The following AOPEP variants were observed in gnomAD, a reference collection of about 807,000 sequenced individuals.
AOPEP encodes aminopeptidase O (putative).
Under a neutral mutation model 98.1 loss-of-function variants are expected in AOPEP, and 77 were observed. The observed-to-expected ratio is 0.78, with a 90% confidence interval of 0.65 to 0.95. The LOEUF is 0.95. Ranked by LOEUF, AOPEP falls within the 40% of genes least tolerant of loss-of-function variation. The pLI is 0.00. For synonymous variants in AOPEP, 346 were observed against 365.3 expected (o/e 0.95, Z 0.60); for missense variants, 1,024 against 1,024.7 (o/e 1.00, Z 0.01).
intron 7 of AOPEP, among the ~76,000 whole-genome samples, chr9:94,952,220 G>A (rs762659093): frequency 3.0e-4 from 45 of 152,182 alleles, no homozygotes; most frequent in Non-Finnish European, 5.1e-4. Flanking sequence ...TAGACTGATG[G>A]CCTTTCCTGC....
intron 5 of AOPEP, among the ~76,000 whole-genome samples, chr9:94,880,505 T>C (rs187598896): frequency 2.1e-4 from 32 of 151,988 alleles, no homozygotes; most frequent in Non-Finnish European, 4.1e-4. Flanking sequence ...TAGCTGGGAC[T>C]ACAGGCGCAA....
chr9:94,861,042 A>G (rs954927276), intron 5 of AOPEP, among the ~76,000 whole-genome samples: 2 of 152,140 alleles, frequency 1.3e-5, no homozygotes, highest in Admixed American at 6.5e-5. Context: ...TGACAATGCT[A>G]TGAGATTCTT....
intron 5 of AOPEP, among the ~76,000 whole-genome samples, chr9:94,853,665 A>G (rs1430788653): frequency 1.3e-5 from 2 of 152,232 alleles, no homozygotes; most frequent in African/African-American, 2.4e-5. Flanking sequence ...TTCTACAGTG[A>G]TATCAGAAAT....
intron 13 of AOPEP, among the ~76,000 whole-genome samples, chr9:95,042,402 C>T (rs920590180): frequency 1.3e-5 from 2 of 152,022 alleles, no homozygotes; most frequent in Non-Finnish European, 2.9e-5. Flanking sequence ...GGTGTTGCAC[C>T]AAACAGGCTA....
At chr9:95,056,104 T>G (rs1426994926) in intron 13 of AOPEP, among the ~76,000 whole-genome samples, 1 of 152,126 alleles carries the variant, frequency 6.6e-6, no homozygotes, top group Admixed American at 6.6e-5. Context: ...TTGATCCGCT[T>G]TTAGTCTCCA....
Position 94,928,301 on chromosome 9 carries a change from G to A in AOPEP, c.1555-124G>A, listed in dbSNP as rs537018430. On this transcript the variant is annotated intron_variant, in intron 6 of 16. Coordinates refer to ENST00000375315, the MANE Select transcript of AOPEP (RefSeq NM_001193329.3). ...TCCAGTGGCCTTTAGGTTTCTGATGGAAGCAAGGTGAGAGCAGGGGCAGGC... is the reference window on the plus strand; with the variant it reads ...TCCAGTGGCCTTTAGGTTTCTGATGAAAGCAAGGTGAGAGCAGGGGCAGGC... 881 of 688,050 alleles carry A rather than the reference G, an allele frequency of 1.3e-3. 2 individuals carry two copies. Among genetic ancestry groups the A allele is most frequent in the Non-Finnish European group, 1.8e-3 (742 of 417,626 alleles). 42.6% of individuals were successfully genotyped at this position (688,050 alleles called of 1,614,324 possible).
chr9:95,101,712 C>T, the AOPEP span: 1 of 1,613,980 alleles, frequency 6.2e-7, no homozygotes, highest in Non-Finnish European at 8.5e-7. Context: ...GCCTTCTAGA[C>T]TTGAGTTCGC....
At position 94,926,976 on chromosome 9, in the gene AOPEP, A is replaced by T. The variant is rs1588924452; in HGVS notation, c.1555-1449A>T. 3.3e-5 allele frequency among the ~76,000 whole-genome samples: 5 copies of T among 152,196 alleles called. No individual in the cohort carries two copies. The South Asian group carries it at 1.0e-3, about 32-fold the overall frequency. ...TTCACAGACATATTAGTCTGCTTGGACTGCCATAATAAATACCAGAGACTG... is the reference window on the plus strand; with the variant it reads ...TTCACAGACATATTAGTCTGCTTGGTCTGCCATAATAAATACCAGAGACTG... On this transcript the variant is annotated intron_variant, in intron 6 of 16. Transcript: ENST00000375315.
rs1046815371 is a variant in AOPEP, at chr9:94,980,313, C to T, written c.1977+886C>T. On this transcript the variant is annotated intron_variant, in intron 11 of 16. Coordinates refer to ENST00000375315, the MANE Select transcript of AOPEP (RefSeq NM_001193329.3). The surrounding 1 kb of genome is among the most constrained non-coding windows in gnomAD (Gnocchi z 4.3). ...TCTCAGTCTGGGGCAGCCCCCAGAG[C>T]GGCTGCAGGCTGGGCCTGACCCAGG... is the stretch of plus-strand genomic sequence containing the variant. Among the ~76,000 whole-genome samples, 2 of 152,230 alleles carry T rather than the reference C, an allele frequency of 1.3e-5. No homozygotes were observed. Among genetic ancestry groups the T allele is most frequent in the South Asian group, 2.1e-4 (1 of 4,834 alleles).
intron 5 of AOPEP, among the ~76,000 whole-genome samples, chr9:94,923,179 C>T (rs776001287): frequency 3.3e-5 from 5 of 152,134 alleles, no homozygotes; most frequent in East Asian, 3.9e-4. Flanking sequence ...GGGCCTCTTT[C>T]GTCAGCTCCC....
intron 13 of AOPEP, among the ~76,000 whole-genome samples, chr9:95,023,422 C>G (rs1006579477): frequency 2.6e-5 from 4 of 152,238 alleles, no homozygotes; most frequent in Non-Finnish European, 5.9e-5. Context: ...GCAGAGGACG[C>G]CTGCCTCCCA....
At chr9:94,957,119 A>C (rs2058514567) in intron 9 of AOPEP, among the ~76,000 whole-genome samples, 1 of 152,168 alleles carries the variant, frequency 6.6e-6, no homozygotes. Flanking sequence ...ATTTACCATG[A>C]CTTCGGAGGT....
At chr9:94,821,199 G>A (rs930972580) in intron 5 of AOPEP, among the ~76,000 whole-genome samples, 5 of 152,112 alleles carry the variant, frequency 3.3e-5, no homozygotes, top group African/African-American at 9.7e-5. Context: ...TATTTAGGTG[G>A]TGCCTTGGCG....
intron 13 of AOPEP, chr9:95,048,630 G>C (rs1353056353): frequency 6.6e-6 from 1 of 152,230 alleles, no homozygotes; most frequent in Non-Finnish European, 1.5e-5. Flanking sequence ...CCCAGTCCGC[G>C]CTGCCGCCGC....
At chr9:94,997,548 G>T (rs2061318905) in intron 11 of AOPEP, among the ~76,000 whole-genome samples, 2 of 152,178 alleles carry the variant, frequency 1.3e-5, no homozygotes. Flanking sequence ...AATGACTGAT[G>T]TCTGGGTCCC....
At chr9:94,940,919 A>T (rs1215285793) in intron 7 of AOPEP, among the ~76,000 whole-genome samples, 1 of 151,606 alleles carries the variant, frequency 6.6e-6, no homozygotes, top group African/African-American at 2.4e-5. Flanking sequence ...ACATGGAAAC[A>T]CCTCCCTCCC....
At chr9:95,005,299 G>C in intron 12 of AOPEP, 79 bp downstream of exon 12, 7 of 813,304 alleles carry the variant, frequency 8.6e-6, no homozygotes, top group Non-Finnish European at 1.1e-5. Flanking sequence ...CTGGCTCTGC[G>C]CTGCGGCGCG....
intron 16 of AOPEP, chr9:95,085,412 C>T (rs538692075): frequency 3.6e-5 from 19 of 523,026 alleles, no homozygotes; most frequent in Admixed American, 1.4e-4. Flanking sequence ...AGATGCTCAC[C>T]GGTCACCGTC....
At chr9:95,105,274 A>G in the AOPEP span, among the ~76,000 whole-genome samples, 1 of 152,180 alleles carries the variant, frequency 6.6e-6, no homozygotes, top group Admixed American at 6.5e-5. Context: ...GACTTTCTGT[A>G]CATGGACATT....
Sources: allele counts gnomAD v4.1 joint callset (sites outside exome capture counted in the v4.1 genomes callset), GRCh38; gene constraint gnomAD v4.1.1; non-coding constraint Gnocchi (gnomAD v3.1); transcripts MANE v1.5; gene names NCBI Gene and HGNC (gene_info 2026-07-23, HGNC 2026-07-21).